The following NRXN3 variants were observed in gnomAD, a reference collection of about 807,000 sequenced individuals.
NRXN3 encodes neurexin III.
A neutral mutation model predicts 137.6 loss-of-function variants in NRXN3; 32 were observed. The ratio of observed to expected loss-of-function variants is 0.23; its 90% CI spans 0.18 to 0.31. The LOEUF (loss-of-function observed/expected upper bound fraction) is 0.31, where lower values mean the gene tolerates loss of function less well. Among genes scored for constraint, NRXN3 ranks in the 10% least tolerant of loss-of-function variants. The pLI, the probability that NRXN3 is intolerant of heterozygous loss-of-function variation, is 1.00. For synonymous variants in NRXN3, 798 were observed against 784.5 expected (o/e 1.02, Z -0.29); for missense variants, 1,574 against 2,062.5 (o/e 0.76, Z 4.59).
chr14:79,505,565 A>T (rs2096870439), intron 16 of NRXN3, among the ~76,000 whole-genome samples: 1 of 152,250 alleles, frequency 6.6e-6, no homozygotes, highest in African/African-American at 2.4e-5. Context: ...TAAGAAATGT[A>T]GTCTAGACTA....
intron 19 of NRXN3, among the ~76,000 whole-genome samples, chr14:79,707,262 A>AAAGT (rs1230600564): frequency 6.6e-6 from 1 of 152,218 alleles, no homozygotes; most frequent in Non-Finnish European, 1.5e-5. Flanking sequence ...TAAACGAATG[A>AAAGT]AAGTAAGTTA....
At chr14:79,853,606 A>G in intron 20 of NRXN3, 1 of 1,350,976 alleles carries the variant, frequency 7.4e-7, no homozygotes, top group Non-Finnish European at 9.8e-7. Context: ...TCACTTACAC[A>G]TTTACTCCTA....
At chr14:78,209,698 C>T (rs959568956) in intron 1 of NRXN3, among the ~76,000 whole-genome samples, 2 of 152,110 alleles carry the variant, frequency 1.3e-5, no homozygotes, top group Non-Finnish European at 2.9e-5. Flanking sequence ...CCCACCTGGT[C>T]CCTCCCTCAA....
At chr14:79,303,271 A>G (rs528972032) in intron 15 of NRXN3, among the ~76,000 whole-genome samples, 32 of 152,194 alleles carry the variant, frequency 2.1e-4, no homozygotes, top group African/African-American at 7.7e-4. Context: ...TGGCAGGTCA[A>G]AATACCAGCT....
intron 15 of NRXN3, among the ~76,000 whole-genome samples, chr14:79,291,964 A>G (rs2083276192): frequency 6.6e-6 from 1 of 152,102 alleles, no homozygotes; most frequent in Non-Finnish European, 1.5e-5. Flanking sequence ...ACTGCATTTA[A>G]TCTTTACTGA....
chr14:78,478,189 G>A (rs1368972078), intron 4 of NRXN3, among the ~76,000 whole-genome samples: 1 of 152,128 alleles, frequency 6.6e-6, no homozygotes, highest in African/African-American at 2.4e-5. Context: ...TCTGTCCTTA[G>A]GAAGTTTACT....
At chr14:79,194,661 C>T (rs2064892912) in intron 15 of NRXN3, among the ~76,000 whole-genome samples, 1 of 152,174 alleles carries the variant, frequency 6.6e-6, no homozygotes, top group Non-Finnish European at 1.5e-5. Flanking sequence ...GTGTCTCTCC[C>T]TGTGTTGGAT....
At chr14:78,908,032 C>G (rs2099223987) in intron 10 of NRXN3, among the ~76,000 whole-genome samples, 1 of 151,972 alleles carries the variant, frequency 6.6e-6, no homozygotes, top group Non-Finnish European at 1.5e-5. Context: ...TTTTCCTTAT[C>G]CATTCTATCA....
chr14:79,616,602 TC>T (rs1484193160), intron 16 of NRXN3, among the ~76,000 whole-genome samples: 1 of 152,032 alleles, frequency 6.6e-6, no homozygotes, highest in Non-Finnish European at 1.5e-5. Context: ...GTACACCAAA[TC>T]CCCATGACAT....
intron 16 of NRXN3, among the ~76,000 whole-genome samples, chr14:79,470,940 AAGAG>A (rs370918167): frequency 0.025 from 2,532 of 100,886 alleles, 41 homozygotes; most frequent in South Asian, 0.05. Context: ...GAGAGAGAGA[AAGAG>A]AGAGAGAGTG....
At chr14:78,983,919 A>G (rs533875199) in intron 14 of NRXN3, among the ~76,000 whole-genome samples, 1 of 152,156 alleles carries the variant, frequency 6.6e-6, no homozygotes, top group Non-Finnish European at 1.5e-5. Context: ...TTGCAACAAC[A>G]TGGATGAACC....
intron 15 of NRXN3, among the ~76,000 whole-genome samples, chr14:79,207,488 A>G (rs528768545): frequency 5.5e-4 from 84 of 152,306 alleles, no homozygotes; most frequent in African/African-American, 1.9e-3. Flanking sequence ...TCATATTAAC[A>G]ACTGGTGCAA....
At chr14:78,603,163 T>C (rs2097215996) in intron 4 of NRXN3, among the ~76,000 whole-genome samples, 1 of 152,196 alleles carries the variant, frequency 6.6e-6, no homozygotes, top group Admixed American at 6.5e-5. Flanking sequence ...CTTCATTCCC[T>C]TTCCCTTTCC....
At chr14:78,489,903 A>T (rs1309209608) in intron 4 of NRXN3, among the ~76,000 whole-genome samples, 2 of 140,768 alleles carry the variant, frequency 1.4e-5, no homozygotes, top group African/African-American at 5.5e-5. Context: ...CTGGAGATTT[A>T]CAGAGAGCTG....
At chr14:78,923,639 A>C (rs1298182776) in intron 10 of NRXN3, among the ~76,000 whole-genome samples, 1 of 152,210 alleles carries the variant, frequency 6.6e-6, no homozygotes, top group Non-Finnish European at 1.5e-5. Flanking sequence ...GAGGTAGAAC[A>C]TCCAGTATCT....
intron 4 of NRXN3, among the ~76,000 whole-genome samples, chr14:78,314,428 C>T (rs1304632032): frequency 6.6e-6 from 1 of 152,170 alleles, no homozygotes; most frequent in African/African-American, 2.4e-5. Flanking sequence ...TCCACACAGT[C>T]ATTCAGGCAC....
chr14:79,046,259 G>A (rs2099633005), intron 15 of NRXN3, among the ~76,000 whole-genome samples: 1 of 152,004 alleles, frequency 6.6e-6, no homozygotes, highest in African/African-American at 2.4e-5. Flanking sequence ...TTATGCTTTA[G>A]ATTTGAGATA....
chr14:78,599,727 C>G (rs149895487), intron 4 of NRXN3, among the ~76,000 whole-genome samples: 6 of 152,170 alleles, frequency 3.9e-5, no homozygotes, highest in African/African-American at 1.4e-4. Flanking sequence ...TCAAAAATTT[C>G]TTTAGCTTTA....
intron 15 of NRXN3, among the ~76,000 whole-genome samples, chr14:79,376,107 C>T (rs985786899): frequency 4.1e-5 from 6 of 146,126 alleles, no homozygotes; most frequent in African/African-American, 1.0e-4. Flanking sequence ...ATCATATACA[C>T]GTGAATATAT....
Sources: gnomAD v4.1 joint callset for allele counts (sites outside exome capture counted in the v4.1 genomes callset) on GRCh38, gnomAD v4.1.1 for gene constraint, MANE v1.5 for transcripts, NCBI Gene and HGNC (gene_info 2026-07-23, HGNC 2026-07-21) for gene names.